Variants in TCF4 observed in about 807,000 individuals in gnomAD.
The protein encoded by TCF4 is SL3-3 enhancer factor 2.
TCF4 carries 3 observed loss-of-function variants against 82.1 expected under a neutral mutation model. The observed-to-expected ratio is 0.04, with a 90% CI of 0.02 to 0.09. The LOEUF is 0.09. Among genes scored for constraint, TCF4 ranks in the 10% least tolerant of loss-of-function variants. The pLI is 1.00. For synonymous variants in TCF4, 276 were observed against 309.6 expected, an observed-to-expected ratio of 0.89 and a Z score of 1.14; for missense variants, 518 against 852.7, an observed-to-expected ratio of 0.61 and a Z score of 4.89.
chr18:55,352,109 T>C (rs1489954060), intron 6 of TCF4: 1 of 175,010 alleles, frequency 5.7e-6, no homozygotes, highest in Non-Finnish European at 1.1e-5. Flanking sequence ...TGCAAAATAC[T>C]CTAAATAGGC....
chr18:55,537,924 T>G (rs577311458), intron 3 of TCF4, among the ~76,000 whole-genome samples: 98 of 152,204 alleles, frequency 6.4e-4, no homozygotes, highest in Non-Finnish European at 1.1e-3. Context: ...GAGAATGCAC[T>G]GCTCCTATCG....
intron 5 of TCF4, among the ~76,000 whole-genome samples, chr18:55,410,758 G>A (rs957847779): frequency 6.6e-5 from 10 of 151,962 alleles, no homozygotes; most frequent in African/African-American, 2.2e-4. Context: ...TCTCACTACC[G>A]TAATCCTCTC....
chr18:55,558,140 A>G (rs1294159593), intron 3 of TCF4, among the ~76,000 whole-genome samples: 1 of 152,134 alleles, frequency 6.6e-6, no homozygotes, highest in East Asian at 1.9e-4. Context: ...TGAGCCCAGG[A>G]GTTCGAGGCT....
chr18:55,364,660 C>T (rs1186859430), intron 6 of TCF4, among the ~76,000 whole-genome samples: 2 of 152,200 alleles, frequency 1.3e-5, no homozygotes, highest in Non-Finnish European at 2.9e-5. Flanking sequence ...GTGATTATAT[C>T]TGTGCATGCA....
chr18:55,404,113 A>G, intron 5 of TCF4: 2 of 921,668 alleles, frequency 2.2e-6, no homozygotes, highest in Non-Finnish European at 2.7e-6. Flanking sequence ...CCTACTCTGA[A>G]CCCAAGTTCA....
At position 55,350,360 on chromosome 18, in the gene TCF4, G is replaced by A; in HGVS notation, c.548C>T (p.Ser183Leu). 6.2e-7 allele frequency: 1 copy of A among 1,613,596 alleles called. No individual in the cohort carries two copies. Among genetic ancestry groups the A allele is most frequent in the Non-Finnish European group, 8.5e-7 (1 of 1,179,628 alleles). Reference protein sequence around the residue: ...VRKVPPGLPSSVYAPSASTAD... With the variant: ...VRKVPPGLPSLVYAPSASTAD... ...AAAGCAGAAACAAGCAGTACTTACT[G>A]AAGATGGCAAACCTGGAGGAACTTT... is the stretch of plus-strand genomic sequence containing the variant. The change falls in exon 8 of 20, where the codon TCA becomes TTA. Residue 183 changes from serine to leucine, a missense_variant and splice_region_variant. Physicochemically the swap from Ser to Leu is moderately radical, Grantham distance 145. This residue lies in a region of TCF4 where 211 missense variants were observed against 327.4 expected (regional missense o/e 0.64). Transcript: ENST00000354452.
intron 6 of TCF4, among the ~76,000 whole-genome samples, chr18:55,370,430 TAGA>T (rs1323641290): frequency 4.7e-5 from 4 of 84,344 alleles, no homozygotes; most frequent in Non-Finnish European, 9.7e-5. Context: ...AGACAGATGA[TAGA>T]TAGATAGATA....
chr18:55,414,047 G>A (rs1238392309), intron 5 of TCF4, among the ~76,000 whole-genome samples: 1 of 152,114 alleles, frequency 6.6e-6, no homozygotes, highest in Non-Finnish European at 1.5e-5. Context: ...GGGATATAAT[G>A]GGAACCCAGA....
intron 8 of TCF4, among the ~76,000 whole-genome samples, chr18:55,339,880 C>T (rs1167883517): frequency 1.3e-5 from 2 of 152,204 alleles, no homozygotes; most frequent in Admixed American, 6.5e-5. Flanking sequence ...CATTCTTTGA[C>T]TTTACCTTAA....
At chr18:55,378,600 G>A (rs1316599426) in intron 6 of TCF4, among the ~76,000 whole-genome samples, 1 of 152,164 alleles carries the variant, frequency 6.6e-6, no homozygotes, top group African/African-American at 2.4e-5. Context: ...TAAGAAGTCT[G>A]ATTGAAAGGC....
chr18:55,560,748 T>C (rs143272802), intron 3 of TCF4, among the ~76,000 whole-genome samples: 1 of 152,306 alleles, frequency 6.6e-6, no homozygotes, highest in East Asian at 1.9e-4. Context: ...CCAGAGCATT[T>C]GCTGCCACCA....
intron 5 of TCF4, among the ~76,000 whole-genome samples, chr18:55,430,446 C>T (rs2095153509): frequency 6.6e-6 from 1 of 152,224 alleles, no homozygotes. Flanking sequence ...CAAACAATTG[C>T]ATTTGGGCTC....
chr18:55,588,520 T>C (rs936157016), upstream of TCF4: 5 of 1,533,898 alleles, frequency 3.3e-6, no homozygotes, highest in Non-Finnish European at 4.4e-6. Context: ...AACAGTTCAG[T>C]TTTTGCCCGT....
intron 6 of TCF4, among the ~76,000 whole-genome samples, chr18:55,369,820 C>A (rs1164352248): frequency 1.3e-5 from 2 of 152,184 alleles, no homozygotes; most frequent in African/African-American, 4.8e-5. Flanking sequence ...AAACCGGGTT[C>A]TTTAGCTACT....
chr18:55,256,842 A>G (rs977838502), intron 14 of TCF4, among the ~76,000 whole-genome samples: 7 of 152,158 alleles, frequency 4.6e-5, no homozygotes, highest in African/African-American at 1.7e-4. Flanking sequence ...ATTTTCAGCA[A>G]TTCACTCCTG....
At chr18:55,502,627 G>A (rs1271247681) in intron 3 of TCF4, among the ~76,000 whole-genome samples, 29 of 152,104 alleles carry the variant, frequency 1.9e-4, no homozygotes, top group Non-Finnish European at 2.9e-5. Flanking sequence ...GACAATATAG[G>A]GGCACATAAG....
At chr18:55,395,418 T>C (rs2093429578) in intron 6 of TCF4, among the ~76,000 whole-genome samples, 1 of 152,220 alleles carries the variant, frequency 6.6e-6, no homozygotes, top group Admixed American at 6.5e-5. Context: ...AATCCCATGA[T>C]TCTGGTGAAA....
chr18:55,549,447 A>C (rs1344608862), intron 3 of TCF4, among the ~76,000 whole-genome samples: 2 of 152,208 alleles, frequency 1.3e-5, no homozygotes, highest in African/African-American at 4.8e-5. Context: ...AAAACATACT[A>C]TATAGCTGCA....
At chr18:55,302,064 T>TCCTTTTTA (rs2068496214) in intron 8 of TCF4, among the ~76,000 whole-genome samples, 1 of 152,230 alleles carries the variant, frequency 6.6e-6, no homozygotes, top group African/African-American at 2.4e-5. Flanking sequence ...TAATAAGGCC[T>TCCTTTTTA]ATTAACTCCG....
Sources: allele counts gnomAD v4.1 joint callset (sites outside exome capture counted in the v4.1 genomes callset), GRCh38; gene constraint gnomAD v4.1.1; regional missense constraint gnomAD v4.1.1; transcripts MANE v1.5; gene names NCBI Gene and HGNC (gene_info 2026-07-23, HGNC 2026-07-21).